Variants in BTNL8 observed in about 807,000 individuals in gnomAD.
BTNL8 encodes the protein butyrophilin like 8, also known as butyrophilin-like protein 8.
BTNL8 carries 22 observed loss-of-function variants against 36.1 expected under a neutral mutation model. The observed-to-expected ratio is 0.61, with a 90% CI of 0.44 to 0.87. BTNL8 has a LOEUF of 0.87. Among genes scored for constraint, BTNL8 ranks in the 40% least tolerant of loss-of-function variants. BTNL8 has a pLI of 0.00. For synonymous variants in BTNL8, 203 were observed against 235.6 expected (o/e 0.86, Z 1.27); for missense variants, 526 against 616.9 (o/e 0.85, Z 1.56).
In BTNL8 at chr5:180,949,367, C is replaced by T. The variant is rs1759438174; in HGVS notation, c.862+102C>T. On this transcript the variant is annotated intron_variant, in intron 7 of 7. Coordinates refer to ENST00000340184, the MANE Select transcript of BTNL8 (RefSeq NM_001040462.3). The stretch of plus-strand genomic sequence containing the variant: ...ACGGGAACACAGAGTGATGCTGAGA[C>T]CCATCCTGCCTGCAGATGGAGAAAC... 2.1e-6 allele frequency: 3 copies of T among 1,415,140 alleles called. 1 individual carries two copies. Among genetic ancestry groups the T allele is most frequent in the Non-Finnish European group, 2.0e-6 (2 of 1,023,846 alleles). The allele number at this position is 1,415,140 out of a possible 1,614,324, so 87.7% of individuals were successfully genotyped here. A position where few individuals can be genotyped will look rare whatever the true frequency, so the allele number is the denominator to read the frequency against.
chr5:180,941,753 T>A (rs1289329173), intron 3 of BTNL8, among the ~76,000 whole-genome samples: 17 of 151,956 alleles, frequency 1.1e-4, no homozygotes, highest in Admixed American at 1.0e-3. Flanking sequence ...ACATCCTGCA[T>A]GATATAAACT....
chr5:180,929,844 C>G (rs1433841539), intron 3 of BTNL8, among the ~76,000 whole-genome samples: 1 of 152,050 alleles, frequency 6.6e-6, no homozygotes, highest in Non-Finnish European at 1.5e-5. Flanking sequence ...TCAAAAAAGG[C>G]CCAGGACAAG....
intron 3 of BTNL8, among the ~76,000 whole-genome samples, chr5:180,918,684 G>T (rs1268147630): frequency 1.3e-5 from 2 of 152,198 alleles, no homozygotes; most frequent in Non-Finnish European, 2.9e-5. Context: ...GTTTTAAGGG[G>T]ACAGAAATTA....
chr5:180,922,295 T>C (rs1468915223), intron 3 of BTNL8, among the ~76,000 whole-genome samples: 3 of 152,108 alleles, frequency 2.0e-5, no homozygotes, highest in Non-Finnish European at 2.9e-5. Context: ...GGTTCTTAAA[T>C]TGAGATCTTT....
chr5:180,938,160 G>A (rs938116507), intron 3 of BTNL8, among the ~76,000 whole-genome samples: 1 of 151,870 alleles, frequency 6.6e-6, no homozygotes, highest in African/African-American at 2.4e-5. Context: ...AACCCAGTCT[G>A]ATGAAAAAAA....
intron 1 of BTNL8, among the ~76,000 whole-genome samples, chr5:180,902,697 CCA>C (rs1280653891): frequency 6.2e-5 from 9 of 145,100 alleles, no homozygotes; most frequent in African/African-American, 2.4e-4. Flanking sequence ...CACAACGTCC[CCA>C]GAGTGTGATA....
chr5:180,911,273 G>A, intron 2 of BTNL8, 66 bp from the exon 3 acceptor site: 1 of 1,582,616 alleles, frequency 6.3e-7, no homozygotes, highest in Admixed American at 1.7e-5. Flanking sequence ...GAATGCACCT[G>A]ACTCAGAATT....
intron 3 of BTNL8, among the ~76,000 whole-genome samples, chr5:180,933,684 G>C (rs548198951): frequency 6.6e-6 from 1 of 152,092 alleles, no homozygotes; most frequent in South Asian, 2.1e-4. Flanking sequence ...CTGTATCAAA[G>C]AAGAAGGATC....
At chr5:180,927,607 C>T (rs532268754) in intron 3 of BTNL8, among the ~76,000 whole-genome samples, 1 of 152,136 alleles carries the variant, frequency 6.6e-6, no homozygotes, top group Admixed American at 6.5e-5. Flanking sequence ...GAGCTGCTAA[C>T]TAGAATAACC....
At chr5:180,944,795 T>C (rs1759159699) in intron 3 of BTNL8, among the ~76,000 whole-genome samples, 1 of 152,140 alleles carries the variant, frequency 6.6e-6, no homozygotes, top group Non-Finnish European at 1.5e-5. Flanking sequence ...ATTACATCAA[T>C]ACAAAGTAAA....
rs1758920651 is a variant in BTNL8, at chr5:180,941,117, G to GAAGGA, written c.674-6393_674-6389dup. 2.1e-4 allele frequency among the ~76,000 whole-genome samples: 18 copies of GAAGGA among 85,830 alleles called. No individual in the cohort carries two copies. The South Asian group carries it at 4.8e-3, about 23-fold the overall frequency. The allele number at this position is 85,830 out of a possible 152,430, so 56.3% of individuals were successfully genotyped here. On this transcript the variant is annotated intron_variant, in intron 3 of 7. Transcript: ENST00000340184. ...GGGAGGGAGGAAGGAAGGGAGGAAG[G>GAAGGA]AAGGAAGGAAGGAAGGAAGGAAGGA...
chr5:180,939,951 C>T (rs1293683587), intron 3 of BTNL8, among the ~76,000 whole-genome samples: 2 of 152,084 alleles, frequency 1.3e-5, no homozygotes, highest in African/African-American at 2.4e-5. Context: ...GGAAATTGTA[C>T]AAATACATGG....
chr5:180,948,319 C>T lies in BTNL8; in HGVS notation c.788-36C>T, dbSNP rs767316480. Reference sequence around the variant, plus strand: ...CGTCGTGTTTGTGCCTTGTACACTCCTGTGTCCACCACTGAATATACTGTT... The same window carrying T: ...CGTCGTGTTTGTGCCTTGTACACTCTTGTGTCCACCACTGAATATACTGTT... On this transcript the variant is annotated intron_variant, in intron 4 of 7. Coordinates refer to ENST00000340184, the MANE Select transcript of BTNL8 (RefSeq NM_001040462.3). 3.4e-6 allele frequency: 5 copies of T among 1,465,432 alleles called. 1 individual carries two copies. The highest frequency in any genetic ancestry group is 1.8e-4 in the Middle Eastern group (1 of 5,712). 90.8% of individuals were successfully genotyped at this position (1,465,432 alleles called of 1,614,324 possible).
chr5:180,944,700 G>A (rs1212242672), intron 3 of BTNL8, among the ~76,000 whole-genome samples: 2 of 152,130 alleles, frequency 1.3e-5, no homozygotes, highest in Admixed American at 1.3e-4. Flanking sequence ...AATGATCAAT[G>A]TTTTAGGTGA....
At chr5:180,907,189 T>C (rs1254105818) in intron 1 of BTNL8, among the ~76,000 whole-genome samples, 1 of 122,326 alleles carries the variant, frequency 8.2e-6, no homozygotes, top group East Asian at 2.2e-4. Context: ...TCTTTTCACA[T>C]AGTCCCATAT....
At chr5:180,921,688 CACACACAG>C (rs1218817121) in intron 3 of BTNL8, among the ~76,000 whole-genome samples, 1 of 133,458 alleles carries the variant, frequency 7.5e-6, no homozygotes, top group African/African-American at 2.6e-5. Context: ...CACACACACA[CACACACAG>C]ACACACACAC....
chr5:180,927,472 A>G (rs562237993), intron 3 of BTNL8, among the ~76,000 whole-genome samples: 1 of 152,196 alleles, frequency 6.6e-6, no homozygotes, highest in African/African-American at 2.4e-5. Flanking sequence ...AACCGGATGG[A>G]GAATGAGTTT....
At position 180,935,223 on chromosome 5, in the gene BTNL8, C is replaced by T. The variant is rs536057859; in HGVS notation, c.674-12289C>T. On this transcript the variant is annotated intron_variant, in intron 3 of 7. Transcript: ENST00000340184. The surrounding 1 kb of genome is among the most constrained non-coding windows in gnomAD (Gnocchi z 4.8). ...ACTCCACCCGGAACTGGCAGCCCAG[C>T]CCCCAGGCTTCAGGTCATCCCTGGC... Among the ~76,000 whole-genome samples the T allele has an allele frequency of 1.1e-4, 17 of 152,290 alleles. No individual in the cohort carries two copies. The highest frequency in any genetic ancestry group is 3.8e-4 in the African/African-American group (16 of 41,576).
chr5:180,923,326 A>G (rs1757954966), intron 3 of BTNL8, among the ~76,000 whole-genome samples: 1 of 152,208 alleles, frequency 6.6e-6, no homozygotes, highest in Non-Finnish European at 1.5e-5. Context: ...ATAAAAGGTT[A>G]GGTCAACATT....
Sources: gnomAD v4.1 joint callset for allele counts (sites outside exome capture counted in the v4.1 genomes callset) on GRCh38, gnomAD v4.1.1 for gene constraint, Gnocchi (gnomAD v3.1) non-coding constraint, MANE v1.5 for transcripts, NCBI Gene and HGNC (gene_info 2026-07-23, HGNC 2026-07-21) for gene names.